The following TENM4 variants were observed in gnomAD, a reference collection of about 807,000 sequenced individuals.
TENM4 encodes teneurin transmembrane protein 4, also known as teneurin-4.
A neutral mutation model predicts 243.3 loss-of-function variants in TENM4; 82 were observed. The observed-to-expected ratio is 0.34, with a 90% CI of 0.28 to 0.40. The LOEUF (loss-of-function observed/expected upper bound fraction) is 0.40. Among genes scored for constraint, TENM4 ranks in the 10% least tolerant of loss-of-function variants. TENM4 has a pLI of 1.00. For missense variants in TENM4, 3,138 were observed against 3,673.3 expected (o/e 0.85, Z 3.77); for synonymous variants, 1,412 against 1,456.3 (o/e 0.97, Z 0.69).
chr11:78,985,249 C>T (rs1164464250), intron 6 of TENM4, among the ~76,000 whole-genome samples: 2 of 151,960 alleles, frequency 1.3e-5, no homozygotes, highest in Non-Finnish European at 2.9e-5. Context: ...TGTACACATG[C>T]CATACAGATT....
rs1210172935 is a variant in TENM4, at chr11:79,297,542, A to G, written c.-319T>C. ...GCCCTCTCTGATTCTCAGTTTTTCC[A>G]TCTGCAAAACAAGAAGACAAACACA... On this transcript the variant is annotated splice_region_variant and 5_prime_UTR_variant, in exon 2 of 34. It removes an upstream start codon present in the reference 5' UTR. Coordinates refer to ENST00000278550, the MANE Select transcript of TENM4 (RefSeq NM_001098816.3). 1 of 152,612 alleles carries G rather than the reference A, an allele frequency of 6.6e-6. No homozygotes were observed. Among genetic ancestry groups the G allele is most frequent in the Non-Finnish European group, 1.5e-5 (1 of 68,042 alleles). 9.5% of individuals were successfully genotyped at this position (152,612 alleles called of 1,614,324 possible).
intron 6 of TENM4, among the ~76,000 whole-genome samples, chr11:78,936,622 T>TA (rs1856791476): frequency 6.6e-6 from 1 of 152,248 alleles, no homozygotes; most frequent in Non-Finnish European, 1.5e-5. Context: ...AAGTAGGAAC[T>TA]GCTCTTCCCA....
chr11:78,962,919 A>G (rs1011035309), intron 6 of TENM4, among the ~76,000 whole-genome samples: 1 of 152,260 alleles, frequency 6.6e-6, no homozygotes, highest in African/African-American at 2.4e-5. Context: ...CTAGGATTTC[A>G]ACACAGCAAT....
intron 27 of TENM4, among the ~76,000 whole-genome samples, chr11:78,704,524 A>G (rs1279234942): frequency 6.6e-6 from 1 of 152,128 alleles, no homozygotes; most frequent in African/African-American, 2.4e-5. Context: ...AGTTGTTAAA[A>G]GTGATGTTAT....
intron 29 of TENM4, among the ~76,000 whole-genome samples, chr11:78,687,576 C>A (rs181259893): frequency 6.6e-6 from 1 of 152,180 alleles, no homozygotes; most frequent in African/African-American, 2.4e-5. Context: ...AAGACCAACC[C>A]GTAACAGGAT....
chr11:78,920,722 T>C (rs1401892895), intron 6 of TENM4, among the ~76,000 whole-genome samples: 1 of 152,184 alleles, frequency 6.6e-6, no homozygotes, highest in Admixed American at 6.5e-5. Context: ...AGATTATATA[T>C]ATGTGTGTAT....
At chr11:79,329,140 G>T (rs1857020978) in intron 1 of TENM4, among the ~76,000 whole-genome samples, 2 of 152,210 alleles carry the variant, frequency 1.3e-5, no homozygotes, top group Admixed American at 1.3e-4. Context: ...CACTAGATGA[G>T]CATTTTTGTT....
intron 1 of TENM4, among the ~76,000 whole-genome samples, chr11:79,437,559 C>A (rs1000680524): frequency 8.5e-5 from 13 of 152,234 alleles, no homozygotes; most frequent in African/African-American, 2.9e-4. Context: ...GCTCCGGCCA[C>A]CGAGGAGCCC....
At chr11:79,114,618 A>G (rs535988302) in intron 4 of TENM4, among the ~76,000 whole-genome samples, 2 of 152,356 alleles carry the variant, frequency 1.3e-5, no homozygotes, top group East Asian at 3.9e-4. Flanking sequence ...AACACTCAGA[A>G]GCAGCCATGC....
chr11:79,025,649 G>A (rs1314995400), intron 6 of TENM4, among the ~76,000 whole-genome samples: 3 of 152,208 alleles, frequency 2.0e-5, no homozygotes, highest in Admixed American at 6.5e-5. Context: ...GGTCCCATGG[G>A]CAGTCATTTT....
rs1427932454 is a variant in TENM4 at position 78,655,045 on chromosome 11, G to A, written c.*3013C>T. The A allele has an allele frequency of 6.6e-6, 1 of 152,282 alleles. No homozygotes were observed. Among genetic ancestry groups the A allele is most frequent in the Non-Finnish European group, 1.5e-5 (1 of 68,136 alleles). The allele number at this position is 152,282 out of a possible 1,614,324, so 9.4% of individuals were successfully genotyped here. On this transcript the variant is annotated 3_prime_UTR_variant, in exon 34 of 34. Transcript: ENST00000278550. ...GTGTCAAAAGGGCCGGTCCTCTCAGGATGGGAGTCGATGCTTGGAGCCTAT... is the reference window on the plus strand; with the variant it reads ...GTGTCAAAAGGGCCGGTCCTCTCAGAATGGGAGTCGATGCTTGGAGCCTAT...
At chr11:79,029,046 C>T (rs746634573) in intron 6 of TENM4, among the ~76,000 whole-genome samples, 1 of 152,122 alleles carries the variant, frequency 6.6e-6, no homozygotes, top group Admixed American at 6.6e-5. Context: ...CATTTTGCAT[C>T]CTTTCAAAAT....
intron 15 of TENM4, among the ~76,000 whole-genome samples, chr11:78,794,104 A>C (rs1857113702): frequency 6.6e-6 from 1 of 152,154 alleles, no homozygotes; most frequent in Admixed American, 6.5e-5. Context: ...CCATCCACCC[A>C]AATGTGTAAT....
chr11:79,210,230 C>A (rs1863931431), intron 3 of TENM4, among the ~76,000 whole-genome samples: 1 of 152,194 alleles, frequency 6.6e-6, no homozygotes, highest in South Asian at 2.1e-4. Flanking sequence ...ATGAACAGGG[C>A]CTGACCATGT....
At chr11:78,806,111 G>A (rs1448721560) in intron 14 of TENM4, among the ~76,000 whole-genome samples, 1 of 151,852 alleles carries the variant, frequency 6.6e-6, no homozygotes, top group Non-Finnish European at 1.5e-5. Context: ...GCAACACAGC[G>A]AGATCCTGTC....
chr11:79,118,763 G>A (rs575784244), intron 4 of TENM4, among the ~76,000 whole-genome samples: 14 of 152,040 alleles, frequency 9.2e-5, no homozygotes, highest in African/African-American at 2.9e-4. Flanking sequence ...ATAATACTTC[G>A]TTGCATATAT....
intron 1 of TENM4, among the ~76,000 whole-genome samples, chr11:79,346,258 C>T (rs1010434655): frequency 3.9e-5 from 6 of 152,190 alleles, no homozygotes; most frequent in African/African-American, 1.4e-4. Context: ...CTGAGCCACA[C>T]AGCTTCGATG....
At chr11:78,855,540 G>C (rs1350142820) in intron 11 of TENM4, among the ~76,000 whole-genome samples, 1 of 152,206 alleles carries the variant, frequency 6.6e-6, no homozygotes, top group African/African-American at 2.4e-5. Flanking sequence ...CTTCACAACA[G>C]CCCTGCCAAG....
intron 22 of TENM4, among the ~76,000 whole-genome samples, chr11:78,727,987 C>A (rs1402152682): frequency 6.6e-6 from 1 of 152,210 alleles, no homozygotes; most frequent in Non-Finnish European, 1.5e-5. Flanking sequence ...CCCCCATGGC[C>A]TTGAGTTCCT....
Sources: gnomAD v4.1 joint callset for allele counts (sites outside exome capture counted in the v4.1 genomes callset) on GRCh38, gnomAD v4.1.1 for gene constraint, MANE v1.5 for transcripts, NCBI Gene and HGNC (gene_info 2026-07-23, HGNC 2026-07-21) for gene names.